Variants in SIM1 observed in about 807,000 individuals in gnomAD.
SIM1 encodes the protein SIM bHLH transcription factor 1, also known as single-minded homolog 1.
A neutral mutation model predicts 78.2 loss-of-function variants in SIM1; 18 were observed. The ratio of observed to expected loss-of-function variants is 0.23; its 90% confidence interval spans 0.16 to 0.34. SIM1 has a LOEUF of 0.34. Ranked by LOEUF, SIM1 falls within the 10% of genes least tolerant of loss-of-function variation. The probability of loss-of-function intolerance (pLI) is 1.00; values close to 1 mark genes in which losing one functional copy is unlikely to be tolerated. For synonymous variants in SIM1, 417 were observed against 385.2 expected, an observed-to-expected ratio of 1.08 and a Z score of -0.97; for missense variants, 939 against 975.1, an observed-to-expected ratio of 0.96 and a Z score of 0.49.
chr6:100,438,610 G>A (rs1335185741), intron 9 of SIM1, among the ~76,000 whole-genome samples: 1 of 152,008 alleles, frequency 6.6e-6, no homozygotes, highest in Non-Finnish European at 1.5e-5. Flanking sequence ...CCCACTACTG[G>A]GTATCTACCC....
rs374252955 is a variant in SIM1 at position 100,450,665 on chromosome 6, G to GTCTC, written c.259-313_259-310dup. Among the ~76,000 whole-genome samples the GTCTC allele has an allele frequency of 2.1e-3, 243 of 117,276 alleles. 1 individual carries two copies. Among genetic ancestry groups the GTCTC allele is most frequent in the Admixed American group, 3.4e-3 (38 of 11,256 alleles). The allele number at this position is 117,276 out of a possible 152,430, so 76.9% of individuals were successfully genotyped here. On this transcript the variant is annotated intron_variant, in intron 3 of 11. Transcript: ENST00000369208. ...TACATCCATAAAACACACACACACT[G>GTCTC]TCTCTCTCTCTCTCTCTCTCTCTCT...
In SIM1 at chr6:100,421,025, C is replaced by G. The variant is rs1249287467; in HGVS notation, c.999-67G>C. The G allele has an allele frequency of 2.7e-6, 4 of 1,484,768 alleles. No individual in the cohort carries two copies. The Admixed American group carries it at 8.6e-5, about 32-fold the overall frequency. The allele number at this position is 1,484,768 out of a possible 1,614,324, so 92.0% of individuals were successfully genotyped here. A position where few individuals can be genotyped will look rare whatever the true frequency, so the allele number is the denominator to read the frequency against. ...GAAATGGATTCATGCATACTCTCAT[C>G]AGGAATGATAGTAATCCGAATTTGA... On this transcript the variant is annotated intron_variant, in intron 9 of 11. Transcript: ENST00000369208.
intron 9 of SIM1, among the ~76,000 whole-genome samples, chr6:100,428,019 A>T (rs1015049267): frequency 6.6e-6 from 1 of 152,224 alleles, no homozygotes; most frequent in African/African-American, 2.4e-5. Context: ...AATACTGGTA[A>T]ATATATTTAT....
chr6:100,456,829 A>G (rs1772676617), intron 2 of SIM1, among the ~76,000 whole-genome samples: 1 of 152,218 alleles, frequency 6.6e-6, no homozygotes, highest in Non-Finnish European at 1.5e-5. Context: ...TAGTTGAGCC[A>G]TTTCCATTTA....
chr6:100,418,359 A>G (rs1047488363), intron 10 of SIM1, among the ~76,000 whole-genome samples: 8 of 145,406 alleles, frequency 5.5e-5, no homozygotes, highest in African/African-American at 1.8e-4. Flanking sequence ...CCTGTCTCCA[A>G]AAATAAATAA....
In SIM1 at chr6:100,464,667, C is replaced by T. The variant is rs1000909722; in HGVS notation, c.-521G>A. 6.6e-6 allele frequency: 1 copy of T among 152,244 alleles called. No homozygotes were observed. The highest frequency in any genetic ancestry group is 2.4e-5 in the African/African-American group (1 of 41,418). 9.4% of individuals were successfully genotyped at this position (152,244 alleles called of 1,614,324 possible). A position where few individuals can be genotyped will look rare whatever the true frequency, so the allele number is the denominator to read the frequency against. On this transcript the variant is annotated 5_prime_UTR_variant, in exon 1 of 12. Coordinates refer to ENST00000369208, the MANE Select transcript of SIM1 (RefSeq NM_005068.3). The stretch of plus-strand genomic sequence containing the variant: ...CGGGGGCGCCCATCTCTTAACTGTT[C>T]TCATGCCTACCGTCCAACCCAGCGA...
chr6:100,429,487 T>C (rs1771844639), intron 9 of SIM1, among the ~76,000 whole-genome samples: 1 of 152,160 alleles, frequency 6.6e-6, no homozygotes, highest in Admixed American at 6.5e-5. Flanking sequence ...AATTATGATA[T>C]ATCCATGTGA....
At chr6:100,446,805 G>A (rs1211751408) in intron 9 of SIM1, among the ~76,000 whole-genome samples, 1 of 152,154 alleles carries the variant, frequency 6.6e-6, no homozygotes, top group African/African-American at 2.4e-5. Context: ...TGGTTCAGGG[G>A]GGAAGCCACT....
intron 9 of SIM1, among the ~76,000 whole-genome samples, chr6:100,430,682 G>T (rs1275068109): frequency 6.6e-6 from 1 of 151,782 alleles, no homozygotes; most frequent in East Asian, 1.9e-4. Flanking sequence ...TTTTTCAAGT[G>T]TATGTTCCCT....
chr6:100,434,388 A>G (rs1213062262), intron 9 of SIM1, among the ~76,000 whole-genome samples: 1 of 152,242 alleles, frequency 6.6e-6, no homozygotes, highest in African/African-American at 2.4e-5. Context: ...CGGCCTATCA[A>G]AATTAAAATG....
chr6:100,415,231 A>G (rs1049490589), intron 10 of SIM1, among the ~76,000 whole-genome samples: 1 of 152,258 alleles, frequency 6.6e-6, no homozygotes, highest in Non-Finnish European at 1.5e-5. Flanking sequence ...CCATGGCAAG[A>G]TAACATCCAA....
At chr6:100,458,789 C>A (rs554133848) in intron 2 of SIM1, among the ~76,000 whole-genome samples, 174 of 152,344 alleles carry the variant, frequency 1.1e-3, no homozygotes, top group African/African-American at 3.9e-3. Context: ...CAGGAACCGC[C>A]TATTCGGTGG....
At chr6:100,406,293 G>A (rs1456458218) in intron 10 of SIM1, among the ~76,000 whole-genome samples, 1 of 152,148 alleles carries the variant, frequency 6.6e-6, no homozygotes, top group Non-Finnish European at 1.5e-5. Context: ...TTTTTCATAT[G>A]TAAGTGGCAG....
At chr6:100,446,752 AC>A (rs2089661125) in intron 9 of SIM1, among the ~76,000 whole-genome samples, 1 of 152,164 alleles carries the variant, frequency 6.6e-6, no homozygotes. Context: ...TTAGCTTTCT[AC>A]GAGTTAAAGT....
intron 9 of SIM1, among the ~76,000 whole-genome samples, chr6:100,442,683 A>C (rs1562252380): frequency 6.6e-6 from 1 of 152,200 alleles, no homozygotes; most frequent in East Asian, 1.9e-4. Context: ...GATTTTGCTA[A>C]CCAGGAAAAT....
At chr6:100,409,996 C>T (rs896479500) in intron 10 of SIM1, among the ~76,000 whole-genome samples, 5 of 152,142 alleles carry the variant, frequency 3.3e-5, no homozygotes, top group Admixed American at 6.5e-5. Flanking sequence ...AATGTATGTT[C>T]TGCGTCAGAA....
At position 100,426,000 on chromosome 6, in the gene SIM1, G is replaced by A. The variant is rs78173447; in HGVS notation, c.999-5042C>T. On this transcript the variant is annotated intron_variant, in intron 9 of 11. Coordinates refer to ENST00000369208, the MANE Select transcript of SIM1 (RefSeq NM_005068.3). ...CCACACAAACCCTGTTTGGGGCTCC[G>A]TAAGGTAACTTTCTCAAGGGCAGTT... Among the ~76,000 whole-genome samples, 373 of 152,310 alleles carry A rather than the reference G, an allele frequency of 2.4e-3. 1 individual carries two copies. The highest frequency in any genetic ancestry group is 4.1e-3 in the South Asian group (20 of 4,824).
At position 100,393,902 on chromosome 6, in the gene SIM1, A is replaced by G; in HGVS notation, c.1168-13T>C. On this transcript the variant is annotated splice_polypyrimidine_tract_variant and intron_variant, in intron 10 of 11. Transcript: ENST00000369208. ...GAAATCCCGAATACTGAAACCGAGT[A>G]GGGGAGAAAAGTCCATTTCAAAAAT... 1 of 1,521,718 alleles carries G rather than the reference A, an allele frequency of 6.6e-7. No individual in the cohort carries two copies. Among genetic ancestry groups the G allele is most frequent in the African/African-American group, 1.4e-5 (1 of 71,952 alleles). 94.3% of individuals were successfully genotyped at this position (1,521,718 alleles called of 1,614,324 possible).
intron 9 of SIM1, among the ~76,000 whole-genome samples, chr6:100,446,148 T>C (rs1772347765): frequency 6.6e-6 from 1 of 152,216 alleles, no homozygotes; most frequent in African/African-American, 2.4e-5. Context: ...ATTTTTTTAT[T>C]AAACAAGACA....
Sources: allele counts gnomAD v4.1 joint callset (sites outside exome capture counted in the v4.1 genomes callset), GRCh38; gene constraint gnomAD v4.1.1; transcripts MANE v1.5; gene names NCBI Gene and HGNC (gene_info 2026-07-23, HGNC 2026-07-21).